The following SH2B2 variants were observed in gnomAD, a reference collection of about 807,000 sequenced individuals.
SH2B2 encodes SH2B adapter protein 2.
SH2B2 carries 37 observed loss-of-function variants against 35.7 expected under a neutral mutation model. The observed-to-expected ratio is 1.04, with a 90% CI of 0.80 to 1.36. SH2B2 has a LOEUF of 1.36. SH2B2 is among the 40% of genes most tolerant of loss of function. The pLI is 0.00. For synonymous variants in SH2B2, 383 were observed against 376.4 expected, an observed-to-expected ratio of 1.02 and a Z score of -0.20; for missense variants, 852 against 817.7, an observed-to-expected ratio of 1.04 and a Z score of -0.51.
intron 8 of SH2B2, among the ~76,000 whole-genome samples, chr7:102,320,722 C>T (rs1381026472): frequency 1.3e-5 from 2 of 151,898 alleles, no homozygotes; most frequent in Non-Finnish European, 2.9e-5. Context: ...CCTAATGATT[C>T]CTGGCAAGGG....
chr7:102,302,739 C>T (rs1048251281), intron 2 of SH2B2, among the ~76,000 whole-genome samples: 6 of 152,198 alleles, frequency 3.9e-5, no homozygotes, highest in African/African-American at 1.4e-4. Flanking sequence ...CCAACGTCAC[C>T]CAGCTGGCGG....
At chr7:102,301,559 C>CGT (rs144412397) in intron 2 of SH2B2, among the ~76,000 whole-genome samples, 5,794 of 145,116 alleles carry the variant, frequency 0.04, 196 homozygotes, top group African/African-American at 0.087. Flanking sequence ...TGTGTGTGTC[C>CGT]GTGTGTGTGT....
chr7:102,317,097 C>G (rs1793861989), intron 6 of SH2B2, 90 bp from the exon 7 acceptor site: 2 of 1,097,754 alleles, frequency 1.8e-6, no homozygotes, highest in Non-Finnish European at 1.3e-6. Context: ...GTAAAAAAAC[C>G]AACAAGACGT....
At position 102,300,673 on chromosome 7, in the gene SH2B2, G is replaced by C; in HGVS notation, c.123G>C (p.Lys41Asn). ...AQAAAVDFAH[K>N]FCRFLRDNPA... Reference sequence around the variant, plus strand: ...CGGCCGCCGTGGACTTTGCGCACAAGTTCTGCCGTTTCCTGCGGGACAACC... The same window carrying C: ...CGGCCGCCGTGGACTTTGCGCACAACTTCTGCCGTTTCCTGCGGGACAACC... The change falls in exon 2 of 9, where the codon AAG (lysine) becomes AAC (asparagine). Residue 41 changes from lysine to asparagine, a missense_variant. Transcript: ENST00000444095. The C allele has an allele frequency of 6.5e-7, 1 of 1,548,358 alleles. No individual in the cohort carries two copies. The highest frequency in any genetic ancestry group is 8.7e-7 in the Non-Finnish European group (1 of 1,144,496).
At chr7:102,310,822 A>T (rs1381715986) in intron 4 of SH2B2, among the ~76,000 whole-genome samples, 2 of 152,082 alleles carry the variant, frequency 1.3e-5, no homozygotes, top group Admixed American at 6.6e-5. Context: ...GGAATTTTCG[A>T]GCTGGCAGGG....
chr7:102,307,995 T>C (rs1793468745), intron 3 of SH2B2, among the ~76,000 whole-genome samples: 1 of 152,184 alleles, frequency 6.6e-6, no homozygotes, highest in Non-Finnish European at 1.5e-5. Context: ...GGTCTCGAAC[T>C]CCTGAGCTCA....
chr7:102,305,581 C>T (rs920479544), intron 2 of SH2B2, among the ~76,000 whole-genome samples: 5 of 152,088 alleles, frequency 3.3e-5, no homozygotes, highest in African/African-American at 9.7e-5. Flanking sequence ...TTTTTTAAAA[C>T]GTGAACTAGA....
chr7:102,302,324 A>C (rs1276943187), intron 2 of SH2B2, among the ~76,000 whole-genome samples: 1 of 152,206 alleles, frequency 6.6e-6, no homozygotes, highest in Non-Finnish European at 1.5e-5. Flanking sequence ...GTCTGACTCC[A>C]TGGGGCTCTG....
chr7:102,308,603 G>A (rs1426695124), intron 3 of SH2B2, among the ~76,000 whole-genome samples: 1 of 152,240 alleles, frequency 6.6e-6, no homozygotes, highest in African/African-American at 2.4e-5. Context: ...GGGAGGCCCA[G>A]AAGGGAGGGA....
upstream of SH2B2, chr7:102,285,158 GA>G: frequency 6.5e-7 from 1 of 1,549,450 alleles, no homozygotes; most frequent in Non-Finnish European, 8.7e-7. Context: ...CCTCCCTGGG[GA>G]TGGATCCAAG....
At chr7:102,287,341 G>A (rs1378601808) in intron 1 of SH2B2, among the ~76,000 whole-genome samples, 1 of 152,096 alleles carries the variant, frequency 6.6e-6, no homozygotes, top group Non-Finnish European at 1.5e-5. Context: ...GCCGCTGGAG[G>A]GGCCGAGCCG....
chr7:102,303,479 C>A (rs1484569830), intron 2 of SH2B2, among the ~76,000 whole-genome samples: 1 of 152,168 alleles, frequency 6.6e-6, no homozygotes, highest in African/African-American at 2.4e-5. Context: ...TGCTGGGGTG[C>A]AGGGGTGTGG....
chr7:102,301,285 T>C lies in SH2B2; in HGVS notation c.729+6T>C, dbSNP rs782221755. On this transcript the variant is annotated splice_donor_region_variant and intron_variant, in intron 2 of 8. Transcript: ENST00000444095. Reference sequence around the variant, plus strand: ...AGTTCTTCGTGCCGCCCAAAGTGAGTTACCCCATAATCCCACCTAGCCTGG... The same window carrying C: ...AGTTCTTCGTGCCGCCCAAAGTGAGCTACCCCATAATCCCACCTAGCCTGG... The C allele has an allele frequency of 8.7e-6, 14 of 1,600,520 alleles. No homozygotes were observed. Among genetic ancestry groups the C allele is most frequent in the Admixed American group, 8.5e-5 (5 of 58,792 alleles).
chr7:102,311,269 T>A (rs1793608853), intron 4 of SH2B2, among the ~76,000 whole-genome samples: 1 of 151,226 alleles, frequency 6.6e-6, no homozygotes. Flanking sequence ...TTTTTTTTTT[T>A]TTTGAGATGG....
intron 6 of SH2B2, 37 bp from the exon 7 acceptor site, chr7:102,317,150 T>TC (rs782410817): frequency 5.4e-6 from 8 of 1,493,490 alleles, no homozygotes; most frequent in Non-Finnish European, 6.4e-6. Flanking sequence ...CCTTTCTCCT[T>TC]CCCCCCATGT....
In SH2B2 at chr7:102,300,898, G is replaced by C; in HGVS notation, c.348G>C (p.Arg116=). The change falls in exon 2 of 9, where the codon CGG becomes CGC. Residue 116 remains arginine (R), a synonymous_variant. Coordinates refer to ENST00000444095, the MANE Select transcript of SH2B2 (RefSeq NM_001359228.2). ...AGGCGGCGCCCTACGGCCACTCGCG[G>C]AGCTCGGAGGACGTGTCCACGCACG... ...ALKAAPYGHS[R]SSEDVSTHAA... The C allele has an allele frequency of 1.4e-6, 2 of 1,470,754 alleles. No individual in the cohort carries two copies. The highest frequency in any genetic ancestry group is 2.7e-5 in the South Asian group (2 of 74,990). The allele number at this position is 1,470,754 out of a possible 1,614,324, so 91.1% of individuals were successfully genotyped here. A position where few individuals can be genotyped will look rare whatever the true frequency, so the allele number is the denominator to read the frequency against.
At chr7:102,309,117 G>A in intron 4 of SH2B2, 1 of 668,160 alleles carries the variant, frequency 1.5e-6, no homozygotes, top group Non-Finnish European at 2.8e-6. Flanking sequence ...TGCTCTATGG[G>A]GCCAGGGCCT....
intron 8 of SH2B2, 128 bp downstream of exon 8, chr7:102,320,630 A>C (rs1586610339): frequency 8.0e-7 from 1 of 1,253,062 alleles, no homozygotes; most frequent in Non-Finnish European, 1.1e-6. Context: ...TGTCCCTCCC[A>C]CCCTAGCCTA....
Position 102,317,364 on chromosome 7 carries a change from T to C in SH2B2, c.1364T>C (p.Val455Ala). 1.9e-6 allele frequency: 3 copies of C among 1,594,338 alleles called. No individual in the cohort carries two copies. The highest frequency in any genetic ancestry group is 2.6e-6 in the Non-Finnish European group (3 of 1,164,948). ...AGTGAGACTCGGCCTGGGGAGTACG[T>C]GCTGACCTTCAACTTCCAGGGCAAG... ...RQSETRPGEY[V>A]LTFNFQGKAK... The change falls in exon 7 of 9, where the codon GTG becomes GCG. Residue 455 changes from valine to alanine, a missense_variant. By Grantham distance (64) the Val-to-Ala change is moderately conservative (BLOSUM62 0). This residue lies in a region of SH2B2 where 556 missense variants were observed against 514.5 expected (regional missense o/e 1.08). Transcript: ENST00000444095.
Sources: gnomAD v4.1 joint callset for allele counts (sites outside exome capture counted in the v4.1 genomes callset) on GRCh38, gnomAD v4.1.1 for gene constraint, gnomAD v4.1.1 regional missense constraint, MANE v1.5 for transcripts, NCBI Gene and HGNC (gene_info 2026-07-23, HGNC 2026-07-21) for gene names.